TENM2: variants seen among roughly 807,000 people sequenced by gnomAD.
TENM2 encodes the protein teneurin-2.
Under a neutral mutation model 245.2 loss-of-function variants are expected in TENM2, and 52 were observed. That is an observed-to-expected ratio of 0.21 (90% confidence interval 0.17 to 0.27). The LOEUF (loss-of-function observed/expected upper bound fraction) is 0.27. Ranked by LOEUF, TENM2 falls within the 10% of genes least tolerant of loss-of-function variation. The probability of loss-of-function intolerance (pLI) is 1.00; values close to 1 mark genes in which losing one functional copy is unlikely to be tolerated. For missense variants in TENM2, 3,046 were observed against 3,666.8 expected, an observed-to-expected ratio of 0.83 and a Z score of 4.37; for synonymous variants, 1,363 against 1,438.9, an observed-to-expected ratio of 0.95 and a Z score of 1.19.
rs778470502 is a variant in TENM2 at position 168,204,428 on chromosome 5, A to G, written c.3631A>G (p.Ile1211Val). ...GTTCCTGACCCAGCAGCCTGCCATC[A>G]TCACCAGCATCATGGGCAATGGTCG... Residue 1211 changes from isoleucine (I) to valine (V), a missense_variant, in exon 19 of 29, where the codon ATC becomes GTC. By Grantham distance (29) the Ile-to-Val change is conservative. Coordinates refer to ENST00000518659, the Ensembl canonical transcript of TENM2. 4.3e-6 allele frequency: 7 copies of G among 1,613,816 alleles called. No homozygotes were observed. Among genetic ancestry groups the G allele is most frequent in the Admixed American group, 1.7e-5 (1 of 60,000 alleles).
intron 13 of TENM2, among the ~76,000 whole-genome samples, chr5:168,179,084 G>A (rs942277133): frequency 6.9e-6 from 1 of 145,340 alleles, no homozygotes; most frequent in Admixed American, 7.0e-5. Flanking sequence ...GCAGTGAGTC[G>A]AGATCGAGCC....
At chr5:167,814,737 C>T (rs1033036451) in intron 2 of TENM2, among the ~76,000 whole-genome samples, 1 of 151,466 alleles carries the variant, frequency 6.6e-6, no homozygotes, top group African/African-American at 2.4e-5. Context: ...GCTAGCACAT[C>T]CAAGCTGTGA....
intron 2 of TENM2, among the ~76,000 whole-genome samples, chr5:167,806,275 T>C (rs557050831): frequency 1.3e-5 from 2 of 152,282 alleles, no homozygotes; most frequent in African/African-American, 2.4e-5. Context: ...CTCCTCACTA[T>C]GTATAAGGCA....
At chr5:168,124,961 C>A (rs754222401) in exon 11 of TENM2, 16 of 1,611,728 alleles carry the variant, frequency 9.9e-6, no homozygotes, top group Non-Finnish European at 8.5e-7. Context: ...GTCCAGTGCC[C>A]AGACCAGTGC....
chr5:167,388,178 A>G (rs750515061), intron 2 of TENM2, among the ~76,000 whole-genome samples: 7 of 152,014 alleles, frequency 4.6e-5, no homozygotes, highest in Non-Finnish European at 8.8e-5. Flanking sequence ...TTTAAATACC[A>G]TTTTAATCTC....
At chr5:168,073,798 G>T (rs1284598117) in intron 7 of TENM2, among the ~76,000 whole-genome samples, 3 of 152,222 alleles carry the variant, frequency 2.0e-5, no homozygotes, top group Non-Finnish European at 4.4e-5. Context: ...TGTGAGAAGG[G>T]TCAACATTCC....
intron 2 of TENM2, among the ~76,000 whole-genome samples, chr5:167,510,562 A>C (rs1220455236): frequency 1.3e-5 from 2 of 152,006 alleles, no homozygotes; most frequent in Non-Finnish European, 2.9e-5. Flanking sequence ...GTTACTATAG[A>C]AAAAAATCAA....
chr5:167,403,694 T>A (rs1762483215), intron 2 of TENM2, among the ~76,000 whole-genome samples: 1 of 152,160 alleles, frequency 6.6e-6, no homozygotes, highest in African/African-American at 2.4e-5. Flanking sequence ...ATATTAAAGT[T>A]GAAGTATAAG....
chr5:167,935,560 T>A (rs1308958640), intron 3 of TENM2, among the ~76,000 whole-genome samples: 1 of 152,160 alleles, frequency 6.6e-6, no homozygotes. Flanking sequence ...TGCAAAAGGA[T>A]AAGGAGAGTA....
At chr5:167,782,313 C>CAAAAAAAAAAAAAAAAAAAAA (rs767675565) in intron 2 of TENM2, among the ~76,000 whole-genome samples, 1 of 58,772 alleles carries the variant, frequency 1.7e-5, no homozygotes, top group African/African-American at 6.7e-5. Context: ...AACTCTGTCT[C>CAAAAAAAAAAAAAAAAAAAAA]AAAAAAAAAA....
chr5:168,105,358 AG>A (rs2152298441), intron 9 of TENM2, among the ~76,000 whole-genome samples: 1 of 152,276 alleles, frequency 6.6e-6, no homozygotes, highest in African/African-American at 2.4e-5. Flanking sequence ...TTGCTGAGTC[AG>A]GGTGGAGCAA....
chr5:167,376,410 A>T (rs2127315931), intron 2 of TENM2, among the ~76,000 whole-genome samples: 1 of 152,338 alleles, frequency 6.6e-6, no homozygotes, highest in African/African-American at 2.4e-5. Flanking sequence ...TATATAAAAT[A>T]TTAGAAACTT....
chr5:168,220,503 A>T (rs1039882703), intron 23 of TENM2, among the ~76,000 whole-genome samples: 5 of 152,308 alleles, frequency 3.3e-5, no homozygotes, highest in Middle Eastern at 3.4e-3. Flanking sequence ...TTGAAACTGA[A>T]TTTTTTTATC....
At chr5:167,475,130 C>G (rs948896253) in intron 2 of TENM2, among the ~76,000 whole-genome samples, 5 of 152,066 alleles carry the variant, frequency 3.3e-5, no homozygotes, top group Non-Finnish European at 7.4e-5. Context: ...AAGGATTGAC[C>G]TTATACTTAG....
chr5:167,504,569 T>C (rs958784599), intron 2 of TENM2, among the ~76,000 whole-genome samples: 5 of 152,156 alleles, frequency 3.3e-5, no homozygotes, highest in African/African-American at 1.2e-4. Context: ...ATTACATGCA[T>C]CTCATTGGAA....
chr5:168,148,662 G>A (rs1426885575), intron 12 of TENM2, among the ~76,000 whole-genome samples: 1 of 152,114 alleles, frequency 6.6e-6, no homozygotes, highest in African/African-American at 2.4e-5. Flanking sequence ...ATGCCAGTCA[G>A]AGCAAAGAAA....
intron 8 of TENM2, among the ~76,000 whole-genome samples, chr5:168,093,510 A>C (rs555799338): frequency 1.3e-5 from 2 of 152,262 alleles, no homozygotes; most frequent in South Asian, 4.1e-4. Context: ...AGTGCTGTAA[A>C]CCCCCGTGAT....
rs70976428 is a variant in TENM2 at position 167,452,950 on chromosome 5, T to TTTTAA, written c.502+77477_502+77478insTTTAA. Among the ~76,000 whole-genome samples, 8 of 99,628 alleles carry TTTTAA rather than the reference T, an allele frequency of 8.0e-5. 1 individual carries two copies. Among genetic ancestry groups the TTTTAA allele is most frequent in the African/African-American group, 2.7e-4 (8 of 29,432 alleles). 65.4% of individuals were successfully genotyped at this position (99,628 alleles called of 152,430 possible). The stretch of plus-strand genomic sequence containing the variant: ...TATGATTTATATATATATATATATA[T>TTTTAA]ATATATATATATTTAAAAAAAAAAA... On this transcript the variant is annotated intron_variant, in intron 2 of 28. Transcript: ENST00000518659.
At chr5:167,234,668 C>T in the TENM2 span, among the ~76,000 whole-genome samples, 2 of 152,146 alleles carry the variant, frequency 1.3e-5, no homozygotes, top group South Asian at 4.2e-4. Flanking sequence ...TTATATTTGG[C>T]ACAAGCAGGT....
Sources: gnomAD v4.1 joint callset for allele counts (sites outside exome capture counted in the v4.1 genomes callset) on GRCh38, gnomAD v4.1.1 for gene constraint, MANE v1.5 for transcripts, NCBI Gene and HGNC (gene_info 2026-07-23, HGNC 2026-07-21) for gene names.